UCHL1: variants seen among roughly 807,000 people sequenced by gnomAD.
UCHL1 encodes the protein ubiquitin carboxyl-terminal hydrolase isozyme L1.
In UCHL1, 5 loss-of-function variants were observed where a neutral mutation model predicts 33.3. The ratio of observed to expected loss-of-function variants is 0.15; its 90% CI spans 0.08 to 0.32. The LOEUF is 0.32. Ranked by LOEUF, UCHL1 falls within the 10% of genes least tolerant of loss-of-function variation. The probability of loss-of-function intolerance (pLI) is 1.00; values close to 1 mark genes in which losing one functional copy is unlikely to be tolerated. For synonymous variants in UCHL1, 132 were observed against 108.8 expected (o/e 1.21, Z -1.33); for missense variants, 236 against 280.0 (o/e 0.84, Z 1.12).
chr4:41,260,499 C>G (rs1298837093), intron 3 of UCHL1, 148 bp from the exon 4 acceptor site: 2 of 970,170 alleles, frequency 2.1e-6, no homozygotes, highest in Non-Finnish European at 3.1e-6. Context: ...ACAGACGGGC[C>G]CTTCTCTGGG....
In UCHL1 at chr4:41,263,219, C is replaced by G. The variant is rs1228942009; in HGVS notation, c.460-6C>G. ...TCATTTTCAAAAATTTCTTGACTTT[C>G]TTTAGGTAGATGACAAGGTGAATTT... On this transcript the variant is annotated splice_polypyrimidine_tract_variant and splice_region_variant and intron_variant, in intron 6 of 8. Transcript: ENST00000284440. 6.2e-7 allele frequency: 1 copy of G among 1,613,200 alleles called. No individual in the cohort carries two copies. The highest frequency in any genetic ancestry group is 1.1e-5 in the South Asian group (1 of 91,046).
In UCHL1 at chr4:41,263,251, T is replaced by C. The variant is rs770405812; in HGVS notation, c.486T>C (p.Phe162=). The C allele has an allele frequency of 1.9e-6, 3 of 1,614,196 alleles. No individual in the cohort carries two copies. The highest frequency in any genetic ancestry group is 4.5e-5 in the East Asian group (2 of 44,866). Residue 162 remains phenylalanine (F), a synonymous_variant, in exon 7 of 9, where the codon TTT becomes TTC. Transcript: ENST00000284440. ...TAGATGACAAGGTGAATTTCCATTT[T>C]ATTCTGTTTAACAACGTGGATGGCC... ...CRVDDKVNFH[F]ILFNNVDGHL...
Position 41,268,160 on chromosome 4 carries a change from T to C in UCHL1, c.*87T>C. The C allele has an allele frequency of 2.4e-6, 3 of 1,270,790 alleles. No homozygotes were observed. The highest frequency in any genetic ancestry group is 3.4e-6 in the Non-Finnish European group (3 of 890,244). 78.7% of individuals were successfully genotyped at this position (1,270,790 alleles called of 1,614,324 possible). A position where few individuals can be genotyped will look rare whatever the true frequency, so the allele number is the denominator to read the frequency against. Reference sequence around the variant, plus strand: ...CCCCATGCAGTCTAAAATGCTTCAGTACTTGTGAAACACAGCTGTTCTTCT... The same window carrying C: ...CCCCATGCAGTCTAAAATGCTTCAGCACTTGTGAAACACAGCTGTTCTTCT... On this transcript the variant is annotated 3_prime_UTR_variant, in exon 9 of 9. Coordinates refer to ENST00000284440, the MANE Select transcript of UCHL1 (RefSeq NM_004181.5).
intron 3 of UCHL1, 133 bp downstream of exon 3, chr4:41,257,870 C>T: frequency 7.4e-7 from 1 of 1,357,002 alleles, no homozygotes; most frequent in Non-Finnish European, 9.7e-7. Flanking sequence ...AAGGGAGGAG[C>T]CTGCATTTTC....
chr4:41,257,599 C>G lies in UCHL1; in HGVS notation c.46-10C>G. ...CCCGTGCGCCTGGCCGCCTTGTCTC[C>G]TCTCCGCAGGTGCTGTCCCGGCTGG... On this transcript the variant is annotated splice_polypyrimidine_tract_variant and intron_variant, in intron 2 of 8. Transcript: ENST00000284440. The G allele has an allele frequency of 6.6e-7, 1 of 1,524,710 alleles. No homozygotes were observed. Among genetic ancestry groups the G allele is most frequent in the Non-Finnish European group, 8.7e-7 (1 of 1,143,272 alleles). 94.4% of individuals were successfully genotyped at this position (1,524,710 alleles called of 1,614,324 possible).
intron 6 of UCHL1, among the ~76,000 whole-genome samples, chr4:41,262,232 A>C (rs1366540087): frequency 1.3e-5 from 2 of 152,150 alleles, no homozygotes. Flanking sequence ...GAGGCCGAGG[A>C]GGGTGAATCA....
chr4:41,268,371 T>C lies in UCHL1; in HGVS notation c.*298T>C. 1 of 442,942 alleles carries C rather than the reference T, an allele frequency of 2.3e-6. No homozygotes were observed. The highest frequency in any genetic ancestry group is 3.0e-5 in the South Asian group (1 of 33,556). The allele number at this position is 442,942 out of a possible 1,614,324, so 27.4% of individuals were successfully genotyped here. On this transcript the variant is annotated 3_prime_UTR_variant, in exon 9 of 9. Coordinates refer to ENST00000284440, the MANE Select transcript of UCHL1 (RefSeq NM_004181.5). ...TGGTTTCTGTCTGTAAGTTAAGACCTTGGATGTGGTTTAATTGTTTGTCCT... is the reference window on the plus strand; with the variant it reads ...TGGTTTCTGTCTGTAAGTTAAGACCCTGGATGTGGTTTAATTGTTTGTCCT...
Position 41,257,026 on chromosome 4 carries a change from C to T in UCHL1, c.33+17C>T, listed in dbSNP as rs1780985431. ...AACCCCGAGGTGAGCGCCAGGTGCA[C>T]CGCTACCCGGAGAGCGCGAGGCCGA... On this transcript the variant is annotated intron_variant, in intron 1 of 8. Transcript: ENST00000284440. 1 of 1,614,212 alleles carries T rather than the reference C, an allele frequency of 6.2e-7. No individual in the cohort carries two copies. Among genetic ancestry groups the T allele is most frequent in the Middle Eastern group, 1.7e-4 (1 of 6,048 alleles).
At chr4:41,260,442 G>A (rs755552625) in intron 3 of UCHL1, among the ~76,000 whole-genome samples, 2 of 152,156 alleles carry the variant, frequency 1.3e-5, no homozygotes, top group Non-Finnish European at 2.9e-5. Flanking sequence ...TGGAGTCTCC[G>A]AACCTCTCAG....
At chr4:41,263,902 C>A (rs1291743806) in intron 7 of UCHL1, among the ~76,000 whole-genome samples, 1 of 152,206 alleles carries the variant, frequency 6.6e-6, no homozygotes, top group Non-Finnish European at 1.5e-5. Context: ...GCGATCTTGT[C>A]AATTGTAGAC....
chr4:41,257,293 G>A (rs894675459), intron 2 of UCHL1, 167 bp downstream of exon 2: 1 of 1,185,190 alleles, frequency 8.4e-7, no homozygotes, highest in Non-Finnish European at 1.2e-6. Flanking sequence ...TGCATTTAGC[G>A]GGTGACTCTA....
intron 3 of UCHL1, among the ~76,000 whole-genome samples, chr4:41,259,483 T>C (rs2060915): frequency 0.22 from 32,727 of 152,210 alleles, 3,739 homozygotes; most frequent in African/African-American, 0.24. Context: ...TCCAGTTAGA[T>C]AGAAGCGAAA....
At chr4:41,257,245 CG>C in intron 2 of UCHL1, 119 bp downstream of exon 2, 2 of 1,491,106 alleles carry the variant, frequency 1.3e-6, no homozygotes, top group Non-Finnish European at 1.8e-6. Context: ...CGGAGACGGC[CG>C]GGCTGGGGCG....
rs146069195 is a variant in UCHL1, at chr4:41,263,245, C to T, written c.480C>T (p.Phe160=). The T allele has an allele frequency of 6.2e-7, 1 of 1,614,084 alleles. No individual in the cohort carries two copies. The highest frequency in any genetic ancestry group is 8.5e-7 in the Non-Finnish European group (1 of 1,179,986). ...GQCRVDDKVN[F]HFILFNNVDG... Reference sequence around the variant, plus strand: ...TTTAGGTAGATGACAAGGTGAATTTCCATTTTATTCTGTTTAACAACGTGG... The same window carrying T: ...TTTAGGTAGATGACAAGGTGAATTTTCATTTTATTCTGTTTAACAACGTGG... The change falls in exon 7 of 9, where the codon TTC becomes TTT. Residue 160 remains phenylalanine, a synonymous_variant. Transcript: ENST00000284440.
intron 2 of UCHL1, chr4:41,257,397 T>A: frequency 4.5e-6 from 4 of 885,204 alleles, no homozygotes; most frequent in Non-Finnish European, 6.5e-6. Context: ...CAGCACAGAC[T>A]CGGCTGCACG....
intron 8 of UCHL1, 78 bp from the exon 9 acceptor site, chr4:41,267,904 TAATAG>T: frequency 8.0e-7 from 1 of 1,252,560 alleles, no homozygotes; most frequent in South Asian, 1.3e-5. Flanking sequence ...CTTTGAGCAT[TAATAG>T]ACCTTGGAGC....
intron 2 of UCHL1, 27 bp from the exon 3 acceptor site, chr4:41,257,582 C>T (rs1781000029): frequency 2.0e-6 from 3 of 1,495,168 alleles, no homozygotes; most frequent in African/African-American, 2.9e-5. Flanking sequence ...TCCCCGTGCG[C>T]CTGGCCGCCT....
chr4:41,260,797 G>A lies in UCHL1; in HGVS notation c.325G>A (p.Glu109Lys). The stretch of plus-strand genomic sequence containing the variant: ...CAATAATCAAGACAAACTGGGATTT[G>A]GTAGGTGTGGGTTTTGAGGCCAGCC... The part of the protein sequence containing the change: ...VANNQDKLGF[E>K]DGSVLKQFLS... The change falls in exon 4 of 9, where the codon GAG (glutamate) becomes AAG (lysine). Residue 109 changes from glutamate to lysine, a missense_variant and splice_region_variant. Transcript: ENST00000284440. 1 of 1,614,094 alleles carries A rather than the reference G, an allele frequency of 6.2e-7. No individual in the cohort carries two copies. Among genetic ancestry groups the A allele is most frequent in the Non-Finnish European group, 8.5e-7 (1 of 1,180,004 alleles).
At chr4:41,259,863 A>G (rs2154087166) in intron 3 of UCHL1, among the ~76,000 whole-genome samples, 1 of 152,334 alleles carries the variant, frequency 6.6e-6, no homozygotes, top group South Asian at 2.1e-4. Flanking sequence ...CTTTAAAGCT[A>G]GTTAGTGAAA....
Sources: allele counts gnomAD v4.1 joint callset (sites outside exome capture counted in the v4.1 genomes callset), GRCh38; gene constraint gnomAD v4.1.1; transcripts MANE v1.5; gene names NCBI Gene and HGNC (gene_info 2026-07-23, HGNC 2026-07-21).